Variants in HAS3 observed in about 807,000 individuals in gnomAD.
HAS3 encodes HA synthase 3.
A neutral mutation model predicts 50.3 loss-of-function variants in HAS3; 27 were observed. That is an observed-to-expected ratio of 0.54 (90% CI 0.40 to 0.74). The LOEUF is 0.74. Ranked by LOEUF, HAS3 falls within the 30% of genes least tolerant of loss-of-function variation. The pLI, the probability that HAS3 is intolerant of heterozygous loss-of-function variation, is 0.00. For synonymous variants in HAS3, 339 were observed against 310.9 expected, an observed-to-expected ratio of 1.09 and a Z score of -0.95; for missense variants, 517 against 742.8, an observed-to-expected ratio of 0.70 and a Z score of 3.53.
chr16:69,118,555 G>GAAAC (rs776502033), downstream of HAS3: 5 of 811,174 alleles, frequency 6.2e-6, no homozygotes, highest in African/African-American at 6.7e-5. Flanking sequence ...AACAATTCAA[G>GAAAC]AAACTAGTAA....
At position 69,109,568 on chromosome 16, in the gene HAS3, T is replaced by C. The variant is rs368707351; in HGVS notation, c.173T>C (p.Ile58Thr). The part of the protein sequence containing the change: ...YGAILGLHLL[I>T]QSLFAFLEHR... The stretch of plus-strand genomic sequence containing the variant: ...GCCATCCTGGGCCTGCACCTGCTCA[T>C]TCAGAGCCTTTTTGCCTTCCTGGAG... Residue 58 changes from isoleucine to threonine, a missense_variant, in exon 2 of 4, where the codon ATT (isoleucine) becomes ACT (threonine). By Grantham distance (89) the Ile-to-Thr change is moderately conservative. Transcript: ENST00000569188. This position sits in a 1 kb window ranked among gnomAD's most constrained non-coding sequence, Gnocchi z 5.3. The C allele has an allele frequency of 2.7e-5, 44 of 1,613,600 alleles. No individual in the cohort carries two copies. The highest frequency in any genetic ancestry group is 3.5e-5 in the Non-Finnish European group (41 of 1,180,034).
Position 69,109,430 on chromosome 16 carries a change from T to C in HAS3, c.35T>C (p.Val12Ala). The stretch of plus-strand genomic sequence containing the variant: ...CAGCTGACGACAGCCCTGCGTGTGG[T>C]GGGCACCAGCCTGTTTGCCCTGGCA... The part of the protein sequence containing the change: ...PVQLTTALRV[V>A]GTSLFALAVL... The change falls in exon 2 of 4, where the codon GTG becomes GCG. Residue 12 changes from valine (V) to alanine (A), a missense_variant. By Grantham distance (64) the Val-to-Ala change is moderately conservative. Transcript: ENST00000569188. This position sits in a 1 kb window ranked among gnomAD's most constrained non-coding sequence, Gnocchi z 5.3. 6.2e-7 allele frequency: 1 copy of C among 1,611,734 alleles called. No homozygotes were observed. The highest frequency in any genetic ancestry group is 8.5e-7 in the Non-Finnish European group (1 of 1,179,598).
intron 2 of HAS3, among the ~76,000 whole-genome samples, chr16:69,112,072 C>T (rs1456049726): frequency 2.6e-5 from 4 of 152,240 alleles, no homozygotes; most frequent in African/African-American, 7.2e-5. Context: ...AGAACTCTGC[C>T]CGAGCCAGTG....
In HAS3 at chr16:69,107,549, C is replaced by A. The variant is rs1960846643; in HGVS notation, c.-1+1762C>A. The A allele has an allele frequency of 1.0e-6, 1 of 983,966 alleles. No homozygotes were observed. Among genetic ancestry groups the A allele is most frequent in the Admixed American group, 6.1e-5 (1 of 16,274 alleles). 61.0% of individuals were successfully genotyped at this position (983,966 alleles called of 1,614,324 possible). A position where few individuals can be genotyped will look rare whatever the true frequency, so the allele number is the denominator to read the frequency against. On this transcript the variant is annotated intron_variant, in intron 1 of 3. Coordinates refer to ENST00000569188, the MANE Select transcript of HAS3 (RefSeq NM_001199280.2). The surrounding 1 kb of genome is among the most constrained non-coding windows in gnomAD (Gnocchi z 5.5). ...GGATGAGAAGCGTGGCGAGTGCGTTCGCGGCTGCTTTGACCTGGTGGGCGC... is the reference window on the plus strand; with the variant it reads ...GGATGAGAAGCGTGGCGAGTGCGTTAGCGGCTGCTTTGACCTGGTGGGCGC...
intron 1 of HAS3, among the ~76,000 whole-genome samples, chr16:69,108,005 AGT>A (rs1331736707): frequency 2.0e-5 from 3 of 152,170 alleles, no homozygotes. Context: ...CCGACAGGAA[AGT>A]GTGTTTGTTT....
chr16:69,117,669 C>T, downstream of HAS3: 1 of 965,752 alleles, frequency 1.0e-6, no homozygotes, highest in Non-Finnish European at 1.2e-6. Context: ...TATCTCGAAA[C>T]TACTACTTTG....
At position 69,114,552 on chromosome 16, in the gene HAS3, T is replaced by C. The variant is rs779211169; in HGVS notation, c.948T>C (p.Asp316=). ...KFLGSKCSFG[D]DRHLTNRVLS... ...TAGGCAGCAAGTGCAGCTTCGGGGA[T>C]GACCGGCACCTCACCAACCGAGTCC... is the stretch of plus-strand genomic sequence containing the variant. Residue 316 remains aspartate, a synonymous_variant, in exon 4 of 4, where the codon GAT becomes GAC. Coordinates refer to ENST00000569188, the MANE Select transcript of HAS3 (RefSeq NM_001199280.2). This position sits in a 1 kb window ranked among gnomAD's most constrained non-coding sequence, Gnocchi z 6.4. 3 of 1,614,094 alleles carry C rather than the reference T, an allele frequency of 1.9e-6. No individual in the cohort carries two copies. The highest frequency in any genetic ancestry group is 2.7e-5 in the African/African-American group (2 of 75,024).
At chr16:69,086,021 C>G in the HAS3 span, among the ~76,000 whole-genome samples, 1 of 149,574 alleles carries the variant, frequency 6.7e-6, no homozygotes, top group Non-Finnish European at 1.5e-5. Flanking sequence ...GTGTGCACCA[C>G]CATGCCTGGC....
chr16:69,116,372 T>C lies in HAS3; in HGVS notation c.*1106T>C, dbSNP rs1482195690. On this transcript the variant is annotated 3_prime_UTR_variant, in exon 4 of 4. Coordinates refer to ENST00000569188, the MANE Select transcript of HAS3 (RefSeq NM_001199280.2). ...GAACTATGAGGAGCCTCTGATCAAA[T>C]TGGCTACAATCTTGGAGCTGCTTGG... 8 of 985,774 alleles carry C rather than the reference T, an allele frequency of 8.1e-6. No homozygotes were observed. The highest frequency in any genetic ancestry group is 4.7e-5 in the South Asian group (1 of 21,294). The allele number at this position is 985,774 out of a possible 1,614,324, so 61.1% of individuals were successfully genotyped here.
At chr16:69,094,058 G>A in the HAS3 span, among the ~76,000 whole-genome samples, 1 of 152,342 alleles carries the variant, frequency 6.6e-6, no homozygotes, top group Middle Eastern at 3.4e-3. Flanking sequence ...CTGAGGGCAG[G>A]AGCTGCTGAT....
chr16:69,108,429 A>G (rs1960882668), intron 1 of HAS3, among the ~76,000 whole-genome samples: 1 of 152,200 alleles, frequency 6.6e-6, no homozygotes, highest in Admixed American at 6.5e-5. Context: ...TCTAGTGCCA[A>G]GTCCTGGGCT....
the HAS3 span, among the ~76,000 whole-genome samples, chr16:69,093,446 C>T: frequency 1.3e-5 from 2 of 151,344 alleles, no homozygotes; most frequent in Admixed American, 6.6e-5. Context: ...CTTCCGACCT[C>T]AAGAGATCAG....
In HAS3 at chr16:69,114,531, C is replaced by T. The variant is rs1961116103; in HGVS notation, c.927C>T (p.Gly309=). The part of the protein sequence containing the change: ...LEDWYHQKFL[G]SKCSFGDDRH... Reference sequence around the variant, plus strand: ...ACTGGTACCATCAGAAGTTCCTAGGCAGCAAGTGCAGCTTCGGGGATGACC... The same window carrying T: ...ACTGGTACCATCAGAAGTTCCTAGGTAGCAAGTGCAGCTTCGGGGATGACC... Residue 309 remains glycine (G), a synonymous_variant, in exon 4 of 4, where the codon GGC becomes GGT. Coordinates refer to ENST00000569188, the MANE Select transcript of HAS3 (RefSeq NM_001199280.2). The surrounding 1 kb of genome is among the most constrained non-coding windows in gnomAD (Gnocchi z 6.4). 3.7e-6 allele frequency: 6 copies of T among 1,614,010 alleles called. No homozygotes were observed. Among genetic ancestry groups the T allele is most frequent in the Non-Finnish European group, 4.2e-6 (5 of 1,180,020 alleles).
chr16:69,102,753 C>T (rs954740056), upstream of HAS3, among the ~76,000 whole-genome samples: 3 of 152,238 alleles, frequency 2.0e-5, no homozygotes, highest in South Asian at 2.1e-4. Context: ...GTGGAGCTGG[C>T]GGCGTGAGAA....
At position 69,114,268 on chromosome 16, in the gene HAS3, G is replaced by C. The variant is rs919448560; in HGVS notation, c.739-75G>C. ...AGCGGGCCACAGAAGCCATGGTAAG[G>C]AGGCCTCGTGGTCTCTGATGTCTGT... On this transcript the variant is annotated intron_variant, in intron 3 of 3. Transcript: ENST00000569188. The surrounding 1 kb of genome is among the most constrained non-coding windows in gnomAD (Gnocchi z 6.4). 1 of 1,505,960 alleles carries C rather than the reference G, an allele frequency of 6.6e-7. No individual in the cohort carries two copies. Among genetic ancestry groups the C allele is most frequent in the African/African-American group, 1.4e-5 (1 of 72,036 alleles). The allele number at this position is 1,505,960 out of a possible 1,614,324, so 93.3% of individuals were successfully genotyped here.
chr16:69,116,622 A>C lies in HAS3; in HGVS notation c.*1356A>C. The C allele has an allele frequency of 1.0e-6, 1 of 985,424 alleles. No individual in the cohort carries two copies. Among genetic ancestry groups the C allele is most frequent in the South Asian group, 4.7e-5 (1 of 21,276 alleles). The allele number at this position is 985,424 out of a possible 1,614,324, so 61.0% of individuals were successfully genotyped here. On this transcript the variant is annotated 3_prime_UTR_variant, in exon 4 of 4. Transcript: ENST00000569188. ...GCTTCTTTCCAGAAACCAAACTAGG[A>C]GATGAAACTGGTTCCTACATCCTAA...
In HAS3 at chr16:69,114,182, T is replaced by C. The variant is rs1012922637; in HGVS notation, c.739-161T>C. On this transcript the variant is annotated intron_variant, in intron 3 of 3. Coordinates refer to ENST00000569188, the MANE Select transcript of HAS3 (RefSeq NM_001199280.2). The surrounding 1 kb of genome is among the most constrained non-coding windows in gnomAD (Gnocchi z 6.4). ...TGCTGGGGACAGGGATTGTGTGTGG[T>C]TGGCTCCTCTGAGCCTCAGGTTTCC... Among the ~76,000 whole-genome samples the C allele has an allele frequency of 1.3e-5, 2 of 152,184 alleles. No homozygotes were observed. The highest frequency in any genetic ancestry group is 4.8e-5 in the African/African-American group (2 of 41,448).
chr16:69,105,330 T>G (rs1597090992), upstream of HAS3, among the ~76,000 whole-genome samples: 1 of 151,710 alleles, frequency 6.6e-6, no homozygotes, highest in Admixed American at 6.6e-5. Context: ...CTCTCCCCCC[T>G]CCTCGATCTC....
chr16:69,112,525 A>G (rs183502323), intron 2 of HAS3, among the ~76,000 whole-genome samples: 16 of 152,300 alleles, frequency 1.1e-4, no homozygotes, highest in Admixed American at 1.0e-3. Flanking sequence ...CAACTTTAAT[A>G]CAAGGATCTT....
Sources: gnomAD v4.1 joint callset for allele counts (sites outside exome capture counted in the v4.1 genomes callset) on GRCh38, gnomAD v4.1.1 for gene constraint, Gnocchi (gnomAD v3.1) non-coding constraint, MANE v1.5 for transcripts, NCBI Gene and HGNC (gene_info 2026-07-23, HGNC 2026-07-21) for gene names.